Variants in NDUFA10 observed in about 807,000 individuals in gnomAD.
NDUFA10 encodes the protein NADH dehydrogenase [ubiquinone] 1 alpha subcomplex subunit 10, mitochondrial.
A neutral mutation model predicts 47.8 loss-of-function variants in NDUFA10; 40 were observed. That is an observed-to-expected ratio of 0.84 (90% confidence interval 0.65 to 1.09). NDUFA10 has a LOEUF of 1.09. Among genes scored for constraint, NDUFA10 ranks in the 50% least tolerant of loss-of-function variants. The pLI is 0.00. For missense variants in NDUFA10, 413 were observed against 451.1 expected, an observed-to-expected ratio of 0.92 and a Z score of 0.76; for synonymous variants, 183 against 172.2, an observed-to-expected ratio of 1.06 and a Z score of -0.49.
intron 9 of NDUFA10, among the ~76,000 whole-genome samples, chr2:239,977,712 C>G (rs982013695): frequency 1.3e-5 from 2 of 152,220 alleles, no homozygotes; most frequent in African/African-American, 4.8e-5. Flanking sequence ...CATCAAATGG[C>G]TGTAATCTAC....
At chr2:239,946,697 G>A (rs189257253) in intron 4 of NDUFA10, among the ~76,000 whole-genome samples, 6 of 152,362 alleles carry the variant, frequency 3.9e-5, no homozygotes, top group Admixed American at 2.6e-4. Flanking sequence ...AGGCAGGACC[G>A]AGGTTTTGTC....
Position 239,960,256 on chromosome 2 carries a change from T to C in NDUFA10, c.*862A>G. On this transcript the variant is annotated 3_prime_UTR_variant, in exon 10 of 10. Coordinates refer to ENST00000252711, the MANE Select transcript of NDUFA10 (RefSeq NM_004544.4). The stretch of plus-strand genomic sequence containing the variant: ...AACTGACAGCTTGATTCCTAAACCA[T>C]GATGCTGAACCACAACCAGCTTGTT... The C allele has an allele frequency of 1.2e-5, 12 of 985,622 alleles. No individual in the cohort carries two copies. Among genetic ancestry groups the C allele is most frequent in the Non-Finnish European group, 1.4e-5 (12 of 830,090 alleles). The allele number at this position is 985,622 out of a possible 1,614,324, so 61.1% of individuals were successfully genotyped here. A position where few individuals can be genotyped will look rare whatever the true frequency, so the allele number is the denominator to read the frequency against.
intron 4 of NDUFA10, among the ~76,000 whole-genome samples, chr2:239,931,747 G>A (rs1385465365): frequency 6.6e-6 from 1 of 152,110 alleles, no homozygotes; most frequent in Non-Finnish European, 1.5e-5. Context: ...GCTGCCCTGG[G>A]GCTCCCCAAG....
At chr2:239,902,592 G>C (rs539751132) in intron 4 of NDUFA10, among the ~76,000 whole-genome samples, 1 of 152,126 alleles carries the variant, frequency 6.6e-6, no homozygotes. Flanking sequence ...AACTGAACCC[G>C]CAATACCCCA....
chr2:239,951,596 C>T (rs900632450), intron 4 of NDUFA10, among the ~76,000 whole-genome samples: 16 of 152,320 alleles, frequency 1.1e-4, no homozygotes, highest in African/African-American at 3.1e-4. Context: ...TGAGAAGCAG[C>T]TATGATGGAG....
intron 9 of NDUFA10, among the ~76,000 whole-genome samples, chr2:239,968,848 A>G (rs1240695368): frequency 6.6e-6 from 1 of 152,152 alleles, no homozygotes. Context: ...CACTGGCCAG[A>G]GCAGAGGGGC....
chr2:239,950,477 ACT>A (rs779944915), intron 4 of NDUFA10, among the ~76,000 whole-genome samples: 3 of 151,976 alleles, frequency 2.0e-5, no homozygotes, highest in African/African-American at 4.8e-5. Context: ...CTCCCCGAAG[ACT>A]CTGTTTTTAG....
At chr2:240,007,281 AG>A in intron 7 of NDUFA10, 34 bp downstream of exon 7, 1 of 1,472,978 alleles carries the variant, frequency 6.8e-7, no homozygotes, top group Non-Finnish European at 9.5e-7. Flanking sequence ...AATCAAATGT[AG>A]GAATAACTTT....
Position 240,021,274 on chromosome 2 carries a change from C to CTTA in NDUFA10, c.382_383insTAA (p.Asn127_Ser128insIle), listed in dbSNP as rs1697608462. 6.2e-7 allele frequency: 1 copy of CTTA among 1,614,240 alleles called. No individual in the cohort carries two copies. The highest frequency in any genetic ancestry group is 2.2e-5 in the East Asian group (1 of 44,884). On this transcript the variant is annotated inframe_insertion, in exon 3 of 10. Coordinates refer to ENST00000252711, the MANE Select transcript of NDUFA10 (RefSeq NM_004544.4). ...GTACAACCAGGACTGCAGGCGGTAA[C>CTTA]TGTTGCCATCATTGCTTCTCGGATC...
intron 9 of NDUFA10, among the ~76,000 whole-genome samples, chr2:239,978,502 C>T (rs1057271346): frequency 6.6e-6 from 1 of 152,146 alleles, no homozygotes; most frequent in Non-Finnish European, 1.5e-5. Context: ...ACCAGCTCTT[C>T]TTCCTTTCAG....
At chr2:240,009,390 T>C (rs532115661) in intron 6 of NDUFA10, among the ~76,000 whole-genome samples, 16 of 152,330 alleles carry the variant, frequency 1.1e-4, no homozygotes, top group African/African-American at 3.8e-4. Flanking sequence ...GGCCAAATGT[T>C]GGTGAAACTA....
chr2:239,950,733 G>C (rs1694537623), intron 4 of NDUFA10, among the ~76,000 whole-genome samples: 1 of 152,218 alleles, frequency 6.6e-6, no homozygotes, highest in African/African-American at 2.4e-5. Flanking sequence ...CAGGTGAGTG[G>C]CAGCCGCACG....
chr2:239,921,107 CA>C (rs1374361703), intron 4 of NDUFA10, among the ~76,000 whole-genome samples: 6 of 152,188 alleles, frequency 3.9e-5, no homozygotes, highest in African/African-American at 1.4e-4. Flanking sequence ...ATTTGCAAAT[CA>C]ATATGGTGGC....
In NDUFA10 at chr2:239,959,948, C is replaced by T; in HGVS notation, c.*1170G>A. 3.0e-6 allele frequency: 3 copies of T among 985,520 alleles called. No homozygotes were observed. The highest frequency in any genetic ancestry group is 3.6e-6 in the Non-Finnish European group (3 of 829,960). 61.0% of individuals were successfully genotyped at this position (985,520 alleles called of 1,614,324 possible). On this transcript the variant is annotated 3_prime_UTR_variant, in exon 10 of 10. Transcript: ENST00000252711. Reference sequence around the variant, plus strand: ...GGCCTGGTAGAGCTTCCGCGGGGAGCAGAGCATCGTCCTCTGCACCAGCAC... The same window carrying T: ...GGCCTGGTAGAGCTTCCGCGGGGAGTAGAGCATCGTCCTCTGCACCAGCAC...
chr2:239,932,123 C>T (rs372334257), intron 4 of NDUFA10, among the ~76,000 whole-genome samples: 71 of 152,210 alleles, frequency 4.7e-4, no homozygotes, highest in East Asian at 3.9e-3. Context: ...CGTGAGCCAC[C>T]GCGCCCGGCC....
In NDUFA10 at chr2:240,025,224, C is replaced by T; in HGVS notation, c.75+3G>A. 3 of 1,491,390 alleles carry T rather than the reference C, an allele frequency of 2.0e-6. No homozygotes were observed. In the South Asian group the frequency reaches 3.8e-5, roughly 19 times the overall value. The allele number at this position is 1,491,390 out of a possible 1,614,324, so 92.4% of individuals were successfully genotyped here. A position where few individuals can be genotyped will look rare whatever the true frequency, so the allele number is the denominator to read the frequency against. On this transcript the variant is annotated splice_donor_region_variant and intron_variant, in intron 1 of 9. Coordinates refer to ENST00000252711, the MANE Select transcript of NDUFA10 (RefSeq NM_004544.4). ...CCACCCTGCCACCCCGCCGCCCGCT[C>T]ACCACGCGCTGGGCGCCCGCCGCCA... is the stretch of plus-strand genomic sequence containing the variant.
chr2:239,962,651 G>A (rs1052170773), intron 9 of NDUFA10, among the ~76,000 whole-genome samples: 1 of 152,218 alleles, frequency 6.6e-6, no homozygotes, highest in African/African-American at 2.4e-5. Flanking sequence ...ACCCGGGGCT[G>A]AGAAATGCAG....
intron 9 of NDUFA10, among the ~76,000 whole-genome samples, chr2:239,961,483 G>A (rs1694851096): frequency 6.6e-6 from 1 of 152,206 alleles, no homozygotes. Context: ...ACAGGAGGGG[G>A]ACAGAGAGCA....
intron 4 of NDUFA10, among the ~76,000 whole-genome samples, chr2:239,910,093 A>G (rs576475461): frequency 1.3e-5 from 2 of 152,370 alleles, no homozygotes; most frequent in East Asian, 3.9e-4. Flanking sequence ...GCAGAGTAAA[A>G]GGAATGCTTT....
Sources: allele counts gnomAD v4.1 joint callset (sites outside exome capture counted in the v4.1 genomes callset), GRCh38; gene constraint gnomAD v4.1.1; transcripts MANE v1.5; gene names NCBI Gene and HGNC (gene_info 2026-07-23, HGNC 2026-07-21).